Variants in CLCN3 observed in about 807,000 individuals in gnomAD.
CLCN3 encodes H(+)/Cl(-) exchange transporter 3.
A neutral mutation model predicts 83.4 loss-of-function variants in CLCN3; 16 were observed. The observed-to-expected ratio is 0.19, with a 90% CI of 0.13 to 0.29. CLCN3 has a LOEUF of 0.29. CLCN3 is among the 10% of genes least tolerant of loss of function. CLCN3 has a pLI of 1.00. For missense variants in CLCN3, 544 were observed against 1,006.0 expected (o/e 0.54, Z 6.21); for synonymous variants, 322 against 346.2 (o/e 0.93, Z 0.78).
chr4:169,676,668 T>C (rs1387707738), intron 2 of CLCN3, among the ~76,000 whole-genome samples: 2 of 141,532 alleles, frequency 1.4e-5, no homozygotes, highest in East Asian at 4.2e-4. Context: ...TTTTTTTTTT[T>C]TGTATTTTTA....
chr4:169,660,157 C>T, intron 2 of CLCN3: 1 of 1,125,992 alleles, frequency 8.9e-7, no homozygotes, highest in Non-Finnish European at 1.1e-6. Context: ...TAGATTGTAG[C>T]CACTAGCAAC....
intron 4 of CLCN3, among the ~76,000 whole-genome samples, chr4:169,688,779 G>T (rs1260965228): frequency 6.6e-6 from 1 of 151,938 alleles, no homozygotes; most frequent in African/African-American, 2.4e-5. Flanking sequence ...AGATATTTTA[G>T]TATCTTTTAA....
chr4:169,669,442 T>G (rs1174997478), intron 2 of CLCN3, among the ~76,000 whole-genome samples: 1 of 152,132 alleles, frequency 6.6e-6, no homozygotes, highest in Non-Finnish European at 1.5e-5. Context: ...TGAGCTATGT[T>G]TCCACCACTG....
intron 2 of CLCN3, among the ~76,000 whole-genome samples, chr4:169,661,375 T>C (rs539352802): frequency 6.6e-6 from 1 of 152,278 alleles, no homozygotes; most frequent in Admixed American, 6.5e-5. Flanking sequence ...TATTTGTAAG[T>C]ATATAAGGAA....
chr4:169,699,025 A>G (rs1394207861), intron 9 of CLCN3, among the ~76,000 whole-genome samples: 1 of 152,190 alleles, frequency 6.6e-6, no homozygotes, highest in East Asian at 1.9e-4. Context: ...TAAATCAGAA[A>G]ATAATCTCCT....
intron 3 of CLCN3, 91 bp downstream of exon 3, chr4:169,680,298 T>G: frequency 1.2e-6 from 1 of 865,610 alleles, no homozygotes; most frequent in South Asian, 1.8e-5. Flanking sequence ...GGCTGCCAAA[T>G]GTTTACATTT....
chr4:169,649,596 GT>G (rs1235212681), intron 2 of CLCN3, among the ~76,000 whole-genome samples: 2 of 152,206 alleles, frequency 1.3e-5, no homozygotes, highest in Non-Finnish European at 2.9e-5. Context: ...AAGGATAAAT[GT>G]TCTGTATTTC....
At chr4:169,625,406 T>C (rs1773208700) in intron 1 of CLCN3, among the ~76,000 whole-genome samples, 1 of 152,128 alleles carries the variant, frequency 6.6e-6, no homozygotes, top group African/African-American at 2.4e-5. Context: ...CATGAAAAAT[T>C]AGTGTGCATA....
chr4:169,716,864 G>A (rs1733441282), intron 12 of CLCN3, among the ~76,000 whole-genome samples: 1 of 152,138 alleles, frequency 6.6e-6, no homozygotes, highest in African/African-American at 2.4e-5. Flanking sequence ...TTAACAGGGA[G>A]GTTGACTTAA....
intron 2 of CLCN3, among the ~76,000 whole-genome samples, chr4:169,672,994 A>T (rs1731537165): frequency 6.6e-6 from 1 of 152,162 alleles, no homozygotes; most frequent in African/African-American, 2.4e-5. Flanking sequence ...TCTAGGTTTC[A>T]TTCAGAGAAT....
chr4:169,677,698 A>G (rs1226862615), intron 2 of CLCN3, among the ~76,000 whole-genome samples: 1 of 152,212 alleles, frequency 6.6e-6, no homozygotes, highest in African/African-American at 2.4e-5. Flanking sequence ...GCCTTCCCAA[A>G]GGGATTATTC....
intron 2 of CLCN3, among the ~76,000 whole-genome samples, chr4:169,659,085 T>G (rs1465585995): frequency 6.6e-6 from 1 of 152,126 alleles, no homozygotes; most frequent in African/African-American, 2.4e-5. Context: ...CATTCAATAC[T>G]TTAGGAAAAC....
chr4:169,677,888 G>A (rs1050356068), intron 2 of CLCN3, among the ~76,000 whole-genome samples: 1 of 150,292 alleles, frequency 6.7e-6, no homozygotes, highest in Non-Finnish European at 1.5e-5. Context: ...AAAGCCAATT[G>A]TATTTCTTTT....
At chr4:169,703,973 A>T in intron 9 of CLCN3, 25 bp from the exon 10 acceptor site, 6 of 1,611,172 alleles carry the variant, frequency 3.7e-6, no homozygotes, top group Non-Finnish European at 5.1e-6. Context: ...TCTCTGCTCC[A>T]TAAAGAGTTC....
chr4:169,677,582 A>G (rs1731729245), intron 2 of CLCN3, among the ~76,000 whole-genome samples: 1 of 152,166 alleles, frequency 6.6e-6, no homozygotes, highest in African/African-American at 2.4e-5. Context: ...TGCATAATTT[A>G]TGGGTTTATT....
At chr4:169,632,459 G>A (rs1483604145) in intron 1 of CLCN3, among the ~76,000 whole-genome samples, 2 of 152,132 alleles carry the variant, frequency 1.3e-5, no homozygotes, top group Non-Finnish European at 2.9e-5. Context: ...GCCAGGCGCG[G>A]TGGCTCAGGC....
At chr4:169,711,260 A>G (rs1733202948) in intron 11 of CLCN3, among the ~76,000 whole-genome samples, 1 of 152,214 alleles carries the variant, frequency 6.6e-6, no homozygotes, top group African/African-American at 2.4e-5. Context: ...GTTGTCAGAC[A>G]CCATTCAGTT....
chr4:169,713,997 C>T (rs893802064), intron 12 of CLCN3, among the ~76,000 whole-genome samples: 2 of 152,148 alleles, frequency 1.3e-5, no homozygotes, highest in Non-Finnish European at 2.9e-5. Flanking sequence ...ACAGATGTCA[C>T]GGGGGTTGTG....
rs1231943082 is a variant in CLCN3, at chr4:169,720,594, A to T, written c.*597A>T. On this transcript the variant is annotated 3_prime_UTR_variant, in exon 13 of 13. Transcript: ENST00000513761. ...TAACAAAGCCTCTTTAAATCGGTGTATCCTTTTGAAGCAGTCCTTTCTCAT... is the reference window on the plus strand; with the variant it reads ...TAACAAAGCCTCTTTAAATCGGTGTTTCCTTTTGAAGCAGTCCTTTCTCAT... 1.3e-5 allele frequency: 2 copies of T among 148,308 alleles called. No homozygotes were observed. The highest frequency in any genetic ancestry group is 3.0e-5 in the Non-Finnish European group (2 of 66,922). 9.2% of individuals were successfully genotyped at this position (148,308 alleles called of 1,614,324 possible). A position where few individuals can be genotyped will look rare whatever the true frequency, so the allele number is the denominator to read the frequency against.
Sources: gnomAD v4.1 joint callset for allele counts (sites outside exome capture counted in the v4.1 genomes callset) on GRCh38, gnomAD v4.1.1 for gene constraint, MANE v1.5 for transcripts, NCBI Gene and HGNC (gene_info 2026-07-23, HGNC 2026-07-21) for gene names.